Variants in SYT12 observed in about 807,000 individuals in gnomAD.
SYT12 encodes synaptotagmin-12.
SYT12 carries 27 observed loss-of-function variants against 39.5 expected under a neutral mutation model. That is an observed-to-expected ratio of 0.68 (90% CI 0.50 to 0.94). The LOEUF (loss-of-function observed/expected upper bound fraction) is 0.94. Among genes scored for constraint, SYT12 ranks in the 40% least tolerant of loss-of-function variants. The pLI is 0.00. For missense variants in SYT12, 536 were observed against 572.6 expected (o/e 0.94, Z 0.65); for synonymous variants, 233 against 239.7 (o/e 0.97, Z 0.26).
intron 3 of SYT12, among the ~76,000 whole-genome samples, chr11:67,017,559 C>G (rs1950068016): frequency 1.3e-5 from 2 of 151,506 alleles, no homozygotes; most frequent in African/African-American, 4.8e-5. Context: ...TGGGGTTTCC[C>G]CATTGTTGGC....
At chr11:67,048,078 A>G (rs1478007410) in intron 7 of SYT12, among the ~76,000 whole-genome samples, 1 of 149,268 alleles carries the variant, frequency 6.7e-6, no homozygotes, top group East Asian at 2.1e-4. Flanking sequence ...GGCGTGAGCC[A>G]CCGTGCCCGG....
At chr11:67,035,790 T>TTTTCTTCCTTCCTTCCTTCC (rs1491375358) in intron 3 of SYT12, among the ~76,000 whole-genome samples, 5 of 73,172 alleles carry the variant, frequency 6.8e-5, no homozygotes, top group African/African-American at 3.0e-4. Context: ...TTTTCTTTTC[T>TTTTCTTCCTTCCTTCCTTCC]TTCCTTCCTT....
chr11:67,043,339 C>A (rs984031293), intron 4 of SYT12, among the ~76,000 whole-genome samples: 12 of 152,246 alleles, frequency 7.9e-5, no homozygotes, highest in Non-Finnish European at 1.6e-4. Flanking sequence ...AAGATGGAGA[C>A]CAGCTCGTCC....
At chr11:67,044,472 C>A in intron 5 of SYT12, 121 bp from the exon 6 acceptor site, 1 of 1,407,868 alleles carries the variant, frequency 7.1e-7, no homozygotes, top group African/African-American at 1.4e-5. Context: ...TAAGGGGCCC[C>A]CAGTGCAGCC....
intron 7 of SYT12, among the ~76,000 whole-genome samples, chr11:67,046,662 C>T (rs950636216): frequency 6.6e-6 from 1 of 152,180 alleles, no homozygotes; most frequent in African/African-American, 2.4e-5. Context: ...CTGCCACCCT[C>T]GTGGAGCAGG....
At chr11:67,042,928 G>A (rs1484633823) in intron 4 of SYT12, among the ~76,000 whole-genome samples, 1 of 152,170 alleles carries the variant, frequency 6.6e-6, no homozygotes, top group Non-Finnish European at 1.5e-5. Context: ...TAACAGCCTG[G>A]GCAATCCCAC....
chr11:67,011,644 C>T (rs1450614977), intron 3 of SYT12, among the ~76,000 whole-genome samples: 1 of 152,218 alleles, frequency 6.6e-6, no homozygotes, highest in East Asian at 1.9e-4. Flanking sequence ...GAAAACGCTT[C>T]CACAGAGGCT....
chr11:67,042,761 A>C (rs12222286), intron 4 of SYT12, among the ~76,000 whole-genome samples: 9,388 of 152,222 alleles, frequency 0.062, 884 homozygotes, highest in African/African-American at 0.21. Context: ...GGGCTTTATC[A>C]CTTGGGGGCA....
intron 4 of SYT12, among the ~76,000 whole-genome samples, chr11:67,043,229 C>G (rs1201097561): frequency 2.0e-5 from 3 of 152,180 alleles, no homozygotes; most frequent in Non-Finnish European, 2.9e-5. Flanking sequence ...CTGGGCCAGG[C>G]TCTGCAGGAA....
At chr11:67,022,163 C>G (rs1203245903), upstream of SYT12, among the ~76,000 whole-genome samples, 1 of 152,120 alleles carries the variant, frequency 6.6e-6, no homozygotes, top group Admixed American at 6.6e-5. Context: ...AGCATCCTGT[C>G]TTCTAGACCA....
Position 67,038,145 on chromosome 11 carries a change from CTATTTATTTATT to C in SYT12, c.229-1640_229-1629del, listed in dbSNP as rs34884260. ...CAAGGTCAATTTAGGGAAAATAAAA[CTATTTATTTATT>C]TATTTATTTATTTATTTATTTATTT... On this transcript the variant is annotated intron_variant, in intron 3 of 7. Transcript: ENST00000527043. 2.1e-3 allele frequency among the ~76,000 whole-genome samples: 316 copies of C among 147,932 alleles called. 3 individuals carry two copies. Among genetic ancestry groups the C allele is most frequent in the South Asian group, 0.013 (63 of 4,696 alleles).
Position 67,017,346 on chromosome 11 carries a change from ACC to A in SYT12, c.-68-4520_-68-4519del, listed in dbSNP as rs199991318. Among the ~76,000 whole-genome samples, 279 of 147,196 alleles carry A rather than the reference ACC, an allele frequency of 1.9e-3. 6 individuals are homozygous for A. In the East Asian group the frequency reaches 0.05, roughly 26 times the overall value. On this transcript the variant is annotated intron_variant, in intron 3 of 10. Coordinates refer to the SYT12 transcript ENST00000393946. ...AGACCAGCCCGGGTAACATAGGGAGACCCCATTTCTACAATTTTTTTTTTTTT... is the reference window on the plus strand; with the variant it reads ...AGACCAGCCCGGGTAACATAGGGAGACCATTTCTACAATTTTTTTTTTTTT...
At chr11:67,017,990 G>A (rs961513938) in intron 3 of SYT12, among the ~76,000 whole-genome samples, 2 of 146,588 alleles carry the variant, frequency 1.4e-5, no homozygotes, top group African/African-American at 2.5e-5. Context: ...GGCCGGGCGC[G>A]GTGGCTCACA....
At chr11:67,038,482 T>C (rs977968104) in intron 3 of SYT12, among the ~76,000 whole-genome samples, 1 of 152,028 alleles carries the variant, frequency 6.6e-6, no homozygotes, top group Admixed American at 6.6e-5. Context: ...AAAAAATTAA[T>C]ATTTGGGTGA....
intron 3 of SYT12, among the ~76,000 whole-genome samples, chr11:67,036,837 G>T (rs1420520114): frequency 6.6e-6 from 1 of 152,186 alleles, no homozygotes; most frequent in Non-Finnish European, 1.5e-5. Flanking sequence ...ACTTTGAGAG[G>T]CTAAGACTGG....
rs1449228914 is a variant in SYT12 at position 67,035,765 on chromosome 11, C to CT, written c.228+930dup. On this transcript the variant is annotated intron_variant, in intron 3 of 7. Coordinates refer to ENST00000527043, the MANE Select transcript of SYT12 (RefSeq NM_177963.4). ...AGCCACCGCGCCCGGCCCTTCCTTT[C>CT]TTTCTTTTCTTTTCTTTTCTTTTCT... 9.4e-4 allele frequency among the ~76,000 whole-genome samples: 140 copies of CT among 148,976 alleles called. 3 individuals carry two copies. Among genetic ancestry groups the CT allele is most frequent in the African/African-American group, 3.1e-3 (123 of 39,422 alleles).
At chr11:67,036,302 G>A (rs1346178423) in intron 3 of SYT12, among the ~76,000 whole-genome samples, 2 of 152,180 alleles carry the variant, frequency 1.3e-5, no homozygotes, top group Non-Finnish European at 2.9e-5. Flanking sequence ...GGCTGTATGA[G>A]ATTCTTTTTT....
Position 67,034,836 on chromosome 11 carries a change from A to C in SYT12, c.226A>C (p.Lys76Gln), listed in dbSNP as rs1275455355. Residue 76 changes from lysine (K) to glutamine (Q), a missense_variant and splice_region_variant, in exon 3 of 8, where the codon AAG becomes CAG. By Grantham distance (53) the Lys-to-Gln change is moderately conservative (BLOSUM62 1). Transcript: ENST00000527043. ...CGAGAGCTGCGCAGAGGCCAGGGAG[A>C]AGGTGAGGCTTCTGCTCCTGCAGGT... ...YGESCAEARE[K>Q]RVPAWNAQRA... 7.1e-6 allele frequency: 11 copies of C among 1,540,150 alleles called. No homozygotes were observed. Among genetic ancestry groups the C allele is most frequent in the Non-Finnish European group, 8.7e-6 (10 of 1,148,700 alleles).
chr11:67,044,040 C>T (rs977877425), intron 5 of SYT12, among the ~76,000 whole-genome samples, 187 bp downstream of exon 5: 2 of 152,164 alleles, frequency 1.3e-5, no homozygotes, highest in Non-Finnish European at 2.9e-5. Flanking sequence ...AAAAACATCC[C>T]GACCACTGTT....
Sources: allele counts gnomAD v4.1 joint callset (sites outside exome capture counted in the v4.1 genomes callset), GRCh38; gene constraint gnomAD v4.1.1; transcripts MANE v1.5; gene names NCBI Gene and HGNC (gene_info 2026-07-23, HGNC 2026-07-21).